USP25: variants seen among roughly 807,000 people sequenced by gnomAD.
USP25 encodes the protein ubiquitin specific peptidase 25, also known as ubiquitin carboxyl-terminal hydrolase 25.
In USP25, 85 loss-of-function variants were observed where a neutral mutation model predicts 158.5. That is an observed-to-expected ratio of 0.54 (90% CI 0.45 to 0.64). The LOEUF is 0.64. Ranked by LOEUF, USP25 falls within the 30% of genes least tolerant of loss-of-function variation. The pLI is 0.00. For missense variants in USP25, 1,242 were observed against 1,327.3 expected (o/e 0.94, Z 1.00); for synonymous variants, 464 against 460.4 (o/e 1.01, Z -0.10).
rs778991446 is a variant in USP25, at chr21:15,842,540, G to A, written c.2337G>A (p.Ser779=). ...AAAGTCCTGAAACAGTTTTGCAGTC[G>A]GTAAGAACTTTTCTTTTGGCTCTCT... The part of the protein sequence containing the change: ...EDKSPETVLQ[S]KPENTTSQPL... Residue 779 remains serine (S), a splice_region_variant and synonymous_variant, in exon 18 of 26, where the codon TCG becomes TCA. Coordinates refer to ENST00000400183, the MANE Select transcript of USP25 (RefSeq NM_001283041.3). 2.5e-6 allele frequency: 4 copies of A among 1,612,894 alleles called. No homozygotes were observed. Among genetic ancestry groups the A allele is most frequent in the East Asian group, 2.2e-5 (1 of 44,840 alleles).
intron 3 of USP25, among the ~76,000 whole-genome samples, chr21:15,775,449 G>T (rs1349473097): frequency 6.6e-6 from 1 of 152,110 alleles, no homozygotes; most frequent in Non-Finnish European, 1.5e-5. Context: ...AGTCAGGGAA[G>T]CGACCAGTCA....
chr21:15,861,936 G>A (rs986974328), intron 20 of USP25, among the ~76,000 whole-genome samples: 4 of 151,982 alleles, frequency 2.6e-5, no homozygotes, highest in African/African-American at 4.8e-5. Flanking sequence ...GTGAAAATTA[G>A]GAGAGTCTTA....
chr21:15,818,787 A>G lies in USP25; in HGVS notation c.1021A>G (p.Met341Val), dbSNP rs764974518. 3.7e-6 allele frequency: 6 copies of G among 1,613,952 alleles called. No homozygotes were observed. Among genetic ancestry groups the G allele is most frequent in the East Asian group, 2.2e-5 (1 of 44,850 alleles). The change falls in exon 10 of 26, where the codon ATG becomes GTG. Residue 341 changes from methionine (M) to valine (V), a missense_variant. By Grantham distance (21) the Met-to-Val change is conservative (BLOSUM62 1). Coordinates refer to ENST00000400183, the MANE Select transcript of USP25 (RefSeq NM_001283041.3). ...KDLHECLEAAMIEGEIESLHS... is the reference protein window; with the variant it reads ...KDLHECLEAAVIEGEIESLHS... ...TCTGCATGAGTGCCTAGAAGCTGCAATGATTGAAGGAGAAATTGAGTCTTT... is the reference window on the plus strand; with the variant it reads ...TCTGCATGAGTGCCTAGAAGCTGCAGTGATTGAAGGAGAAATTGAGTCTTT...
chr21:15,857,126 T>C (rs2146521579), intron 20 of USP25, among the ~76,000 whole-genome samples: 1 of 152,344 alleles, frequency 6.6e-6, no homozygotes, highest in Middle Eastern at 3.4e-3. Context: ...AGGCAATTTA[T>C]TAAATTATCA....
At chr21:15,802,808 G>A (rs1332900432) in intron 6 of USP25, among the ~76,000 whole-genome samples, 2 of 151,592 alleles carry the variant, frequency 1.3e-5, no homozygotes, top group Non-Finnish European at 3.0e-5. Flanking sequence ...AAAGGTAATA[G>A]CAGAAATCTG....
At chr21:15,878,254 C>T (rs769078883) in intron 25 of USP25, 49 bp from the exon 26 acceptor site, 18 of 1,567,054 alleles carry the variant, frequency 1.1e-5, no homozygotes, top group African/African-American at 1.4e-5. Context: ...TGACAATGAT[C>T]GTGTAATAAT....
intron 3 of USP25, among the ~76,000 whole-genome samples, chr21:15,769,159 A>T (rs544086243): frequency 6.6e-6 from 1 of 152,194 alleles, no homozygotes; most frequent in African/African-American, 2.4e-5. Context: ...GCTAAACTAT[A>T]TTATGTCACT....
intron 1 of USP25, among the ~76,000 whole-genome samples, chr21:15,731,824 A>T (rs971388332): frequency 1.3e-5 from 2 of 152,208 alleles, no homozygotes; most frequent in African/African-American, 4.8e-5. Context: ...TTCAATTTTT[A>T]AAGACTTAAG....
chr21:15,807,714 C>T (rs1172266568), intron 7 of USP25, among the ~76,000 whole-genome samples: 1 of 152,358 alleles, frequency 6.6e-6, no homozygotes, highest in South Asian at 2.1e-4. Context: ...CAAGAACACT[C>T]ACCATTGGAT....
intron 21 of USP25, among the ~76,000 whole-genome samples, chr21:15,864,998 G>A (rs938656040): frequency 1.7e-4 from 26 of 151,936 alleles, no homozygotes; most frequent in Non-Finnish European, 5.9e-5. Context: ...GGCTTAGAAG[G>A]GTTAAATTAG....
intron 10 of USP25, among the ~76,000 whole-genome samples, chr21:15,820,641 T>A (rs2037184424): frequency 6.6e-6 from 1 of 151,980 alleles, no homozygotes; most frequent in African/African-American, 2.4e-5. Context: ...TATCAGTTTT[T>A]AAAAAATAAC....
intron 17 of USP25, 88 bp from the exon 18 acceptor site, chr21:15,842,310 C>G (rs1221674145): frequency 2.1e-6 from 3 of 1,405,016 alleles, no homozygotes; most frequent in Non-Finnish European, 2.8e-6. Flanking sequence ...TCTTACATAA[C>G]TTCAGACATA....
intron 4 of USP25, among the ~76,000 whole-genome samples, chr21:15,784,972 G>GAA (rs200893666): frequency 1.1e-4 from 15 of 139,990 alleles, no homozygotes; most frequent in East Asian, 2.0e-4. Flanking sequence ...TGGATGGATT[G>GAA]AAAAAAAAAA....
chr21:15,746,984 G>T (rs944700491), intron 1 of USP25, among the ~76,000 whole-genome samples: 1 of 152,108 alleles, frequency 6.6e-6, no homozygotes, highest in Admixed American at 6.5e-5. Context: ...TTAAAAATGT[G>T]TTATTGTTAA....
At chr21:15,868,106 A>G (rs1257273469) in intron 22 of USP25, among the ~76,000 whole-genome samples, 7 of 152,298 alleles carry the variant, frequency 4.6e-5, no homozygotes, top group African/African-American at 1.7e-4. Context: ...GGTTCTGGGA[A>G]ATAAATAAAA....
At chr21:15,871,619 C>CAA (rs572263961) in intron 23 of USP25, among the ~76,000 whole-genome samples, 362 of 152,160 alleles carry the variant, frequency 2.4e-3, no homozygotes, top group African/African-American at 8.3e-3. Context: ...TCACTTTGTA[C>CAA]CTATCCGGAT....
intron 15 of USP25, among the ~76,000 whole-genome samples, chr21:15,831,185 A>G (rs948665163): frequency 4.6e-5 from 7 of 152,152 alleles, no homozygotes; most frequent in African/African-American, 1.2e-4. Flanking sequence ...TTTTTAATCT[A>G]TCAACTTTGC....
rs145901183 is a variant in USP25, at chr21:15,755,086, C to A, written c.46-7805C>A. Among the ~76,000 whole-genome samples, 15 of 151,212 alleles carry A rather than the reference C, an allele frequency of 9.9e-5. No individual in the cohort carries two copies. In the East Asian group the frequency reaches 2.7e-3, roughly 27 times the overall value. Reference sequence around the variant, plus strand: ...GTCATTGACAGGTAACTTTGAAATGCCTACATTTGGTGCTTAGCAGTGCGT... The same window carrying A: ...GTCATTGACAGGTAACTTTGAAATGACTACATTTGGTGCTTAGCAGTGCGT... On this transcript the variant is annotated intron_variant, in intron 1 of 25. Transcript: ENST00000400183.
intron 1 of USP25, among the ~76,000 whole-genome samples, chr21:15,756,524 A>G (rs2033388821): frequency 6.6e-6 from 1 of 152,182 alleles, no homozygotes; most frequent in Non-Finnish European, 1.5e-5. Flanking sequence ...CTGATGTTAA[A>G]TATGCCCTCT....
Sources: allele counts gnomAD v4.1 joint callset (sites outside exome capture counted in the v4.1 genomes callset), GRCh38; gene constraint gnomAD v4.1.1; transcripts MANE v1.5; gene names NCBI Gene and HGNC (gene_info 2026-07-23, HGNC 2026-07-21).